Variants in VWA5B2 observed in about 807,000 individuals in gnomAD.
VWA5B2 encodes the protein von Willebrand factor A domain-containing protein 5B2.
Under a neutral mutation model 118.5 loss-of-function variants are expected in VWA5B2, and 93 were observed. That is an observed-to-expected ratio of 0.79 (90% confidence interval 0.66 to 0.93). The LOEUF (loss-of-function observed/expected upper bound fraction) is 0.93. VWA5B2 is among the 40% of genes least tolerant of loss of function. The pLI is 0.00. For missense variants in VWA5B2, 1,546 were observed against 1,672.8 expected (o/e 0.92, Z 1.32); for synonymous variants, 708 against 716.3 (o/e 0.99, Z 0.19).
At position 184,241,944 on chromosome 3, in the gene VWA5B2, T is replaced by A; in HGVS notation, c.3635T>A (p.Leu1212His). 6.5e-7 allele frequency: 1 copy of A among 1,549,262 alleles called. No individual in the cohort carries two copies. The change falls in exon 20 of 20, where the codon CTC (leucine) becomes CAC (histidine). Residue 1212 changes from leucine (L) to histidine (H), a missense_variant. Physicochemically the swap from Leu to His is moderately conservative, Grantham distance 99. This residue lies in a region of VWA5B2 where 763 missense variants were observed against 766.6 expected (regional missense o/e 1.00). Coordinates refer to ENST00000691901, the MANE Select transcript of VWA5B2 (RefSeq NM_001390846.1). The surrounding 1 kb of genome is among the most constrained non-coding windows in gnomAD (Gnocchi z 5.1). ...HLPDGLDLAALKAAARGLFLL... is the reference protein window; with the variant it reads ...HLPDGLDLAAHKAAARGLFLL... ...CCTGACGGCCTTGACCTGGCCGCCC[T>A]CAAGGCCGCAGCCCGAGGGCTCTTC...
Position 184,236,516 on chromosome 3 carries a change from C to G in VWA5B2, c.1386C>G (p.Thr462=). 1.3e-6 allele frequency: 2 copies of G among 1,549,212 alleles called. No homozygotes were observed. Among genetic ancestry groups the G allele is most frequent in the Non-Finnish European group, 1.7e-6 (2 of 1,146,988 alleles). ...ASPMAATTHR[T]LELMRWHRGT... Reference sequence around the variant, plus strand: ...CCATGGCCGCCACTACCCACCGAACCCTGGAGCTCATGAGGTGGCACAGGG... The same window carrying G: ...CCATGGCCGCCACTACCCACCGAACGCTGGAGCTCATGAGGTGGCACAGGG... Residue 462 remains threonine (T), a synonymous_variant, in exon 10 of 20, where the codon ACC becomes ACG. Coordinates refer to ENST00000691901, the MANE Select transcript of VWA5B2 (RefSeq NM_001390846.1).
At chr3:184,236,842 G>T in intron 11 of VWA5B2, 93 bp downstream of exon 11, 2 of 1,142,914 alleles carry the variant, frequency 1.7e-6, no homozygotes, top group Non-Finnish European at 2.4e-6. Context: ...CAGGCCATGG[G>T]GGCTCCTGGC....
rs1034688412 is a variant in VWA5B2 at position 184,239,646 on chromosome 3, A to G, written c.2393-43A>G. On this transcript the variant is annotated intron_variant, in intron 15 of 19. Coordinates refer to ENST00000691901, the MANE Select transcript of VWA5B2 (RefSeq NM_001390846.1). The surrounding 1 kb of genome is among the most constrained non-coding windows in gnomAD (Gnocchi z 5.1). ...AAGAGGCCTTGGGGAGGTAAAGCCC[A>G]GAGGACCACTCTGCCCATGCCCCTG... The G allele has an allele frequency of 2.0e-6, 3 of 1,471,820 alleles. No individual in the cohort carries two copies. The highest frequency in any genetic ancestry group is 2.8e-5 in the African/African-American group (2 of 70,980). The allele number at this position is 1,471,820 out of a possible 1,614,324, so 91.2% of individuals were successfully genotyped here.
chr3:184,235,944 A>G (rs929715406), intron 8 of VWA5B2, among the ~76,000 whole-genome samples: 6 of 152,050 alleles, frequency 3.9e-5, no homozygotes, highest in African/African-American at 9.7e-5. Flanking sequence ...TCCCACACAC[A>G]GTCATGTGTA....
rs764914575 is a variant in VWA5B2 at position 184,241,524 on chromosome 3, T to C, written c.3215T>C (p.Leu1072Pro). The C allele has an allele frequency of 1.7e-5, 26 of 1,550,228 alleles. No homozygotes were observed. Among genetic ancestry groups the C allele is most frequent in the Non-Finnish European group, 2.3e-5 (26 of 1,146,878 alleles). ...RLQEAPGSFR[L>P]DAPFCAAVRI... ...CAGGAGGCACCAGGCTCCTTCCGCC[T>C]GGACGCGCCCTTCTGCGCCGCTGTG... Residue 1072 changes from leucine to proline, a missense_variant, in exon 20 of 20, where the codon CTG becomes CCG. Leu to Pro is a moderately conservative substitution (Grantham distance 98). Transcript: ENST00000691901. The surrounding 1 kb of genome is among the most constrained non-coding windows in gnomAD (Gnocchi z 5.1).
chr3:184,240,130 C>A, intron 16 of VWA5B2, 94 bp downstream of exon 16: 2 of 982,042 alleles, frequency 2.0e-6, no homozygotes, highest in Non-Finnish European at 2.9e-6. Context: ...CTATACCTCG[C>A]TTTGATCACA....
chr3:184,233,752 C>T lies in VWA5B2; in HGVS notation c.688+19C>T. The T allele has an allele frequency of 6.5e-7, 1 of 1,548,618 alleles. No individual in the cohort carries two copies. The highest frequency in any genetic ancestry group is 8.7e-7 in the Non-Finnish European group (1 of 1,146,324). ...CTTGCAGGTGGGTGCATCTGGCTGG[C>T]CTGCCCTCTTTTCAGATGCCCACTC... is the stretch of plus-strand genomic sequence containing the variant. On this transcript the variant is annotated intron_variant, in intron 5 of 19. Transcript: ENST00000691901. The surrounding 1 kb of genome is among the most constrained non-coding windows in gnomAD (Gnocchi z 5.2).
Position 184,238,266 on chromosome 3 carries a change from C to A in VWA5B2, c.1720-37C>A, listed in dbSNP as rs1239375689. On this transcript the variant is annotated intron_variant, in intron 12 of 19. Transcript: ENST00000691901. The surrounding 1 kb of genome is among the most constrained non-coding windows in gnomAD (Gnocchi z 5.0). ...ATGTTTGGAAAGAGGTAGCACATAA[C>A]TGCAGTTAATTTTTTTCCCAATAAT... 6.9e-7 allele frequency: 1 copy of A among 1,450,632 alleles called. No individual in the cohort carries two copies. The highest frequency in any genetic ancestry group is 9.1e-7 in the Non-Finnish European group (1 of 1,094,328). 89.9% of individuals were successfully genotyped at this position (1,450,632 alleles called of 1,614,324 possible).
Position 184,233,310 on chromosome 3 carries a change from T to C in VWA5B2, c.443T>C (p.Leu148Pro), listed in dbSNP as rs1717586254. 6.5e-7 allele frequency: 1 copy of C among 1,537,400 alleles called. No individual in the cohort carries two copies. The highest frequency in any genetic ancestry group is 8.8e-7 in the Non-Finnish European group (1 of 1,140,566). The change falls in exon 4 of 20, where the codon CTG becomes CCG. Residue 148 changes from leucine (L) to proline (P), a missense_variant. Coordinates refer to ENST00000691901, the MANE Select transcript of VWA5B2 (RefSeq NM_001390846.1). This position sits in a 1 kb window ranked among gnomAD's most constrained non-coding sequence, Gnocchi z 5.2. Reference sequence around the variant, plus strand: ...CTGCCCTCAAGGCCTGACGGGGTGCTGCATGTGGCCCTGCCCACTGTGCTC... The same window carrying C: ...CTGCCCTCAAGGCCTGACGGGGTGCCGCATGTGGCCCTGCCCACTGTGCTC... The part of the protein sequence containing the change: ...RELPSRPDGV[L>P]HVALPTVLTP...
Position 184,238,696 on chromosome 3 carries a change from G to A in VWA5B2, c.2025G>A (p.Glu675=), listed in dbSNP as rs1269951486. The change falls in exon 14 of 20, where the codon GAG becomes GAA. Residue 675 remains glutamate, a synonymous_variant. Transcript: ENST00000691901. This position sits in a 1 kb window ranked among gnomAD's most constrained non-coding sequence, Gnocchi z 5.0. ...TCACCCACTGCTCTGCCAGCCCCGA[G>A]CCAGGCCCAGGCTCCACAGGCAGCA... ...YVLTHCSASP[E]PGPGSTGSSE... 3 of 1,551,386 alleles carry A rather than the reference G, an allele frequency of 1.9e-6. No homozygotes were observed. Among genetic ancestry groups the A allele is most frequent in the Non-Finnish European group, 2.6e-6 (3 of 1,147,008 alleles).
intron 5 of VWA5B2, 48 bp from the exon 6 acceptor site, chr3:184,234,218 G>A (rs1365031992): frequency 1.2e-5 from 18 of 1,542,160 alleles, no homozygotes; most frequent in Non-Finnish European, 1.6e-5. Flanking sequence ...GCTGTCCCTG[G>A]GAAGGTGTTA....
At chr3:184,234,123 A>G in intron 5 of VWA5B2, 143 bp from the exon 6 acceptor site, 5 of 1,081,832 alleles carry the variant, frequency 4.6e-6, no homozygotes, top group South Asian at 1.6e-5. Context: ...CCATGAAAGC[A>G]GGCACATCCT....
In VWA5B2 at chr3:184,233,508, G is replaced by A; in HGVS notation, c.531-68G>A. The A allele has an allele frequency of 1.3e-6, 2 of 1,519,174 alleles. No homozygotes were observed. The highest frequency in any genetic ancestry group is 1.8e-6 in the Non-Finnish European group (2 of 1,130,032). 94.1% of individuals were successfully genotyped at this position (1,519,174 alleles called of 1,614,324 possible). Reference sequence around the variant, plus strand: ...GATGGGAAGGGTGAGGAAGGGCTGGGGCCAGTCAGCCGGAGGGTTTAGGGG... The same window carrying A: ...GATGGGAAGGGTGAGGAAGGGCTGGAGCCAGTCAGCCGGAGGGTTTAGGGG... On this transcript the variant is annotated intron_variant, in intron 4 of 19. Coordinates refer to ENST00000691901, the MANE Select transcript of VWA5B2 (RefSeq NM_001390846.1). This position sits in a 1 kb window ranked among gnomAD's most constrained non-coding sequence, Gnocchi z 5.2.
chr3:184,242,122 A>C lies in VWA5B2; in HGVS notation c.*84A>C. On this transcript the variant is annotated 3_prime_UTR_variant, in exon 20 of 20. Coordinates refer to ENST00000691901, the MANE Select transcript of VWA5B2 (RefSeq NM_001390846.1). ...CCAGGGCTGGCCTCTTGGTGCTGGG[A>C]AAGTGTAGGCTGGTGCCAGCCTGTC... 6.7e-7 allele frequency: 1 copy of C among 1,486,510 alleles called. No homozygotes were observed. The highest frequency in any genetic ancestry group is 9.0e-7 in the Non-Finnish European group (1 of 1,108,574). 92.1% of individuals were successfully genotyped at this position (1,486,510 alleles called of 1,614,324 possible).
At chr3:184,234,929 C>G (rs968652982) in intron 7 of VWA5B2, 174 bp downstream of exon 7, 7 of 1,146,952 alleles carry the variant, frequency 6.1e-6, no homozygotes, top group Non-Finnish European at 8.5e-6. Context: ...ATTGGAGGGC[C>G]GATGTGAATC....
At position 184,241,175 on chromosome 3, in the gene VWA5B2, T is replaced by G; in HGVS notation, c.2963-12T>G. ...AGAGACCGCCCCCTGGCACTGATGA[T>G]CCCCACTGCAGGACTTCAGAGAGGC... is the stretch of plus-strand genomic sequence containing the variant. On this transcript the variant is annotated splice_polypyrimidine_tract_variant and intron_variant, in intron 18 of 19. Coordinates refer to ENST00000691901, the MANE Select transcript of VWA5B2 (RefSeq NM_001390846.1). This position sits in a 1 kb window ranked among gnomAD's most constrained non-coding sequence, Gnocchi z 5.1. 1.3e-6 allele frequency: 2 copies of G among 1,550,884 alleles called. No homozygotes were observed. The highest frequency in any genetic ancestry group is 1.7e-6 in the Non-Finnish European group (2 of 1,146,564).
chr3:184,235,202 T>C lies in VWA5B2; in HGVS notation c.995T>C (p.Val332Ala). 6.4e-7 allele frequency: 1 copy of C among 1,551,700 alleles called. No homozygotes were observed. The highest frequency in any genetic ancestry group is 8.7e-7 in the Non-Finnish European group (1 of 1,146,986). The change falls in exon 8 of 20, where the codon GTG (valine) becomes GCG (alanine). Residue 332 changes from valine (V) to alanine (A), a missense_variant. Physicochemically the swap from Val to Ala is moderately conservative, Grantham distance 64 (BLOSUM62 0). Coordinates refer to ENST00000691901, the MANE Select transcript of VWA5B2 (RefSeq NM_001390846.1). Reference protein sequence around the residue: ...RFHKDILLNPVLALSFCPDLS... With the variant: ...RFHKDILLNPALALSFCPDLS... ...CACAAGGACATCCTGCTGAACCCCG[T>C]GCTGGCGCTGAGCTTCTGCCCAGAC...
rs1216855900 is a variant in VWA5B2 at position 184,230,569 on chromosome 3, C to A, written c.41C>A (p.Pro14Gln). The part of the protein sequence containing the change: ...LYCPSSWTPL[P>Q]LTDSWVRACA... ...TGCCCCTCCAGCTGGACGCCGCTGC[C>A]GCTCACGGACTCCTGGGTCCGGGCC... The change falls in exon 2 of 20, where the codon CCG becomes CAG. Residue 14 changes from proline to glutamine, a missense_variant. This residue lies in a region of VWA5B2 where 775 missense variants were observed against 882.3 expected (regional missense o/e 0.88). Transcript: ENST00000691901. The A allele has an allele frequency of 1.4e-5, 20 of 1,479,766 alleles. No individual in the cohort carries two copies. The highest frequency in any genetic ancestry group is 1.8e-5 in the Non-Finnish European group (20 of 1,123,202). 91.7% of individuals were successfully genotyped at this position (1,479,766 alleles called of 1,614,324 possible). A position where few individuals can be genotyped will look rare whatever the true frequency, so the allele number is the denominator to read the frequency against.
At chr3:184,234,432 ACCTGC>A in intron 6 of VWA5B2, 35 bp downstream of exon 6, 1 of 1,549,600 alleles carries the variant, frequency 6.5e-7, no homozygotes. Flanking sequence ...GCCGGCTCTG[ACCTGC>A]TTCTACATGA....
Sources: gnomAD v4.1 joint callset for allele counts (sites outside exome capture counted in the v4.1 genomes callset) on GRCh38, gnomAD v4.1.1 for gene constraint, gnomAD v4.1.1 regional missense constraint, Gnocchi (gnomAD v3.1) non-coding constraint, MANE v1.5 for transcripts, NCBI Gene and HGNC (gene_info 2026-07-23, HGNC 2026-07-21) for gene names.